The following ZNF544 variants were observed in gnomAD, a reference collection of about 807,000 sequenced individuals.
The protein encoded by ZNF544 is zinc finger protein AF020591.
Under a neutral mutation model 13.5 loss-of-function variants are expected in ZNF544, and 10 were observed. The observed-to-expected ratio is 0.74, with a 90% CI of 0.46 to 1.25. The LOEUF is 1.25. Ranked by LOEUF, ZNF544 falls within the 50% of genes most tolerant of loss-of-function variation. ZNF544 has a pLI of 0.00. For missense variants in ZNF544, 896 were observed against 845.6 expected (o/e 1.06, Z -0.74); for synonymous variants, 323 against 300.5 (o/e 1.07, Z -0.77).
At chr19:58,242,237 A>C (rs2044047083) in intron 3 of ZNF544, 1 of 985,194 alleles carries the variant, frequency 1.0e-6, no homozygotes, top group African/African-American at 1.7e-5. Context: ...GGCCAGAGTG[A>C]GTCCCCAGCA....
intron 6 of ZNF544, among the ~76,000 whole-genome samples, chr19:58,250,159 T>G (rs1048432069): frequency 1.3e-5 from 2 of 152,244 alleles, no homozygotes; most frequent in Non-Finnish European, 2.9e-5. Context: ...ACAAGAATTT[T>G]CTATGGTAAA....
intron 3 of ZNF544, among the ~76,000 whole-genome samples, chr19:58,230,805 G>A (rs543824891): frequency 6.6e-6 from 1 of 152,266 alleles, no homozygotes; most frequent in South Asian, 2.1e-4. Context: ...CTGGGATATG[G>A]ATTCATCTTG....
In ZNF544 at chr19:58,260,683, C is replaced by T. The variant is rs2048723877; in HGVS notation, c.245-168C>T. On this transcript the variant is annotated intron_variant, in intron 6 of 6. Transcript: ENST00000687789. ...GTATTTTGCACTTTACCACTGATACCATGTTTGCTGATCCATCCCTCCCTT... is the reference window on the plus strand; with the variant it reads ...GTATTTTGCACTTTACCACTGATACTATGTTTGCTGATCCATCCCTCCCTT... The T allele has an allele frequency of 4.9e-6, 3 of 617,664 alleles. No homozygotes were observed. In the South Asian group the frequency reaches 6.9e-5, roughly 14 times the overall value. The allele number at this position is 617,664 out of a possible 1,614,324, so 38.3% of individuals were successfully genotyped here. A position where few individuals can be genotyped will look rare whatever the true frequency, so the allele number is the denominator to read the frequency against.
At chr19:58,247,009 A>G (rs1284252954) in intron 6 of ZNF544, among the ~76,000 whole-genome samples, 2 of 152,146 alleles carry the variant, frequency 1.3e-5, no homozygotes, top group Admixed American at 6.5e-5. Context: ...CCTCACCACA[A>G]TCAGTTCTAG....
chr19:58,229,346 G>T (rs1456490521), intron 1 of ZNF544, 122 bp from the exon 2 acceptor site: 1 of 152,266 alleles, frequency 6.6e-6, no homozygotes, highest in Non-Finnish European at 1.5e-5. Context: ...AGGGTGCCTG[G>T]GTCGAGGGCT....
chr19:58,260,862 A>C lies in ZNF544; in HGVS notation c.256A>C (p.Thr86Pro). The C allele has an allele frequency of 6.3e-7, 1 of 1,589,150 alleles. No homozygotes were observed. The highest frequency in any genetic ancestry group is 2.3e-5 in the East Asian group (1 of 44,414). ...EQEAPRDWKA[T>P]LEENRLNSEK... ...TGGATTTCTTTCAGACTGGAAAGCT[A>C]CCCTTGAGGAGAATAGGTTGAATTC... Residue 86 changes from threonine to proline, a missense_variant, in exon 7 of 7, where the codon ACC (threonine) becomes CCC (proline). Thr to Pro is a conservative substitution (Grantham distance 38). Transcript: ENST00000687789.
chr19:58,273,155 TG>T (rs1333482368), intron 5 of ZNF544, among the ~76,000 whole-genome samples: 1 of 150,658 alleles, frequency 6.6e-6, no homozygotes, highest in African/African-American at 2.4e-5. Flanking sequence ...TACTCCAGCC[TG>T]GGCAACAAGA....
chr19:58,264,466 T>C (rs1250957096), downstream of ZNF544, among the ~76,000 whole-genome samples: 4 of 134,724 alleles, frequency 3.0e-5, no homozygotes, highest in Non-Finnish European at 6.2e-5. Context: ...CTGAGGTGGG[T>C]GGATCACTTG....
intron 5 of ZNF544, among the ~76,000 whole-genome samples, chr19:58,269,138 TA>T (rs576791885): frequency 1.4e-4 from 21 of 152,138 alleles, no homozygotes; most frequent in Non-Finnish European, 2.1e-4. Context: ...ACACCACGAC[TA>T]AAAACAGATG....
rs10405085 is a variant in ZNF544, at chr19:58,240,078, T to C, written c.-59-3887T>C. ...AAGCCTTGGTGCTTAGGTTTCTTTA[T>C]TGAGGGATGTGTTATGTAGGCATGG... On this transcript the variant is annotated intron_variant, in intron 3 of 6. Transcript: ENST00000687789. Among the ~76,000 whole-genome samples the C allele has an allele frequency of 3.8e-3, 579 of 152,098 alleles. 4 individuals are homozygous for C. The highest frequency in any genetic ancestry group is 0.013 in the African/African-American group (530 of 41,500).
At chr19:58,230,344 CAATT>C (rs1320233602) in intron 2 of ZNF544, 46 bp from the exon 3 acceptor site, 1 of 152,228 alleles carries the variant, frequency 6.6e-6, no homozygotes, top group African/African-American at 2.4e-5. Flanking sequence ...AAATGCAACT[CAATT>C]AATTCTTTTA....
In ZNF544 at chr19:58,261,616, T is replaced by C. The variant is rs945507732; in HGVS notation, c.1010T>C (p.Met337Thr). Residue 337 changes from methionine (M) to threonine (T), a missense_variant, in exon 7 of 7, where the codon ATG becomes ACG. Coordinates refer to ENST00000687789, the MANE Select transcript of ZNF544 (RefSeq NM_014480.4). Reference protein sequence around the residue: ...RCEERCAAFPMASSFSDCNII... With the variant: ...RCEERCAAFPTASSFSDCNII... ...GAGGAACGCTGTGCTGCCTTCCCCA[T>C]GGCCTCATCTTTTTCTGACTGTAAC... The C allele has an allele frequency of 6.2e-7, 1 of 1,614,084 alleles. No individual in the cohort carries two copies. Among genetic ancestry groups the C allele is most frequent in the East Asian group, 2.2e-5 (1 of 44,904 alleles).
chr19:58,276,027 A>G (rs2051196592), intron 5 of ZNF544, among the ~76,000 whole-genome samples: 1 of 152,002 alleles, frequency 6.6e-6, no homozygotes, highest in Admixed American at 6.6e-5. Context: ...CTCTACAAAA[A>G]TTGGCCCAGT....
intron 4 of ZNF544, among the ~76,000 whole-genome samples, chr19:58,245,147 C>T (rs552703601): frequency 3.3e-5 from 5 of 151,884 alleles, no homozygotes; most frequent in African/African-American, 1.2e-4. Context: ...ACCATGTTGG[C>T]CAGGCTGGTT....
intron 3 of ZNF544, among the ~76,000 whole-genome samples, chr19:58,234,308 G>A (rs1203567355): frequency 6.6e-6 from 1 of 152,202 alleles, no homozygotes; most frequent in Non-Finnish European, 1.5e-5. Flanking sequence ...CTGTGCATTG[G>A]GGTGCCTCCC....
chr19:58,236,001 A>C (rs1325306515), intron 3 of ZNF544, among the ~76,000 whole-genome samples: 1 of 151,662 alleles, frequency 6.6e-6, no homozygotes, highest in Non-Finnish European at 1.5e-5. Context: ...TGGAGGTTGC[A>C]GTGAGCCGAG....
At chr19:58,246,843 C>G (rs2045335122) in intron 6 of ZNF544, 49 bp downstream of exon 6, 1 of 1,581,390 alleles carries the variant, frequency 6.3e-7, no homozygotes, top group South Asian at 1.1e-5. Context: ...CAAGCTTGGA[C>G]AGAGAGCTCT....
Position 58,263,065 on chromosome 19 carries a change from T to A in ZNF544, c.*311T>A, listed in dbSNP as rs916347550. ...TTACTAGGCAGCAGAGAATTCATAC[T>A]GGAGAGAAGCCCTGTGAATGTTAAC... is the stretch of plus-strand genomic sequence containing the variant. On this transcript the variant is annotated 3_prime_UTR_variant, in exon 7 of 7. Transcript: ENST00000687789. The A allele has an allele frequency of 9.0e-7, 1 of 1,115,220 alleles. No homozygotes were observed. Among genetic ancestry groups the A allele is most frequent in the African/African-American group, 1.6e-5 (1 of 61,604 alleles). 69.1% of individuals were successfully genotyped at this position (1,115,220 alleles called of 1,614,324 possible). A position where few individuals can be genotyped will look rare whatever the true frequency, so the allele number is the denominator to read the frequency against.
intron 4 of ZNF544, among the ~76,000 whole-genome samples, chr19:58,244,463 T>C (rs551583732): frequency 6.6e-6 from 1 of 152,190 alleles, no homozygotes; most frequent in East Asian, 1.9e-4. Context: ...CAGAGTCCCC[T>C]GTAAATGGTG....
Sources: allele counts gnomAD v4.1 joint callset (sites outside exome capture counted in the v4.1 genomes callset), GRCh38; gene constraint gnomAD v4.1.1; transcripts MANE v1.5; gene names NCBI Gene and HGNC (gene_info 2026-07-23, HGNC 2026-07-21).